NLGN1: variants seen among roughly 807,000 people sequenced by gnomAD.
NLGN1 encodes the protein neuroligin 1, also known as neuroligin-1.
NLGN1 carries 12 observed loss-of-function variants against 65.5 expected under a neutral mutation model. The ratio of observed to expected loss-of-function variants is 0.18; its 90% CI spans 0.12 to 0.30. The LOEUF is 0.30. NLGN1 is among the 10% of genes least tolerant of loss of function. The probability of loss-of-function intolerance (pLI) is 1.00; values close to 1 mark genes in which losing one functional copy is unlikely to be tolerated. For missense variants in NLGN1, 750 were observed against 1,007.1 expected, an observed-to-expected ratio of 0.74 and a Z score of 3.46; for synonymous variants, 350 against 359.5, an observed-to-expected ratio of 0.97 and a Z score of 0.30.
chr3:173,604,835 A>G (rs758153927), exon 3 of NLGN1: 1 of 1,613,754 alleles, frequency 6.2e-7, no homozygotes, highest in Non-Finnish European at 8.5e-7. Flanking sequence ...CTGTTATTCA[A>G]TTTCTTGGGG....
chr3:174,014,008 C>T (rs888306146), intron 4 of NLGN1, among the ~76,000 whole-genome samples: 7 of 152,084 alleles, frequency 4.6e-5, no homozygotes, highest in Non-Finnish European at 1.0e-4. Flanking sequence ...AGCCACCACA[C>T]CTGGCTGAAT....
intron 3 of NLGN1, among the ~76,000 whole-genome samples, chr3:173,675,457 CAAAG>C (rs936834218): frequency 6.7e-6 from 1 of 148,954 alleles, no homozygotes; most frequent in Non-Finnish European, 1.5e-5. Flanking sequence ...AACAAACAAA[CAAAG>C]AAAGCTCTGA....
chr3:174,024,047 G>T (rs920383314), intron 4 of NLGN1, among the ~76,000 whole-genome samples: 2 of 150,752 alleles, frequency 1.3e-5, no homozygotes, highest in African/African-American at 2.4e-5. Flanking sequence ...AGAGAGAAGC[G>T]AAAGCTAGTT....
chr3:174,277,973 G>A (rs1025334016), intron 5 of NLGN1, among the ~76,000 whole-genome samples: 6 of 151,822 alleles, frequency 4.0e-5, no homozygotes, highest in African/African-American at 1.2e-4. Context: ...AATTTTATCC[G>A]AAAAATACCT....
At chr3:173,581,893 G>A (rs1216479611) in intron 2 of NLGN1, among the ~76,000 whole-genome samples, 1 of 151,962 alleles carries the variant, frequency 6.6e-6, no homozygotes, top group African/African-American at 2.4e-5. Flanking sequence ...TTCAGGCTGA[G>A]AAATAGAGCA....
intron 3 of NLGN1, among the ~76,000 whole-genome samples, chr3:173,786,522 A>T (rs913395666): frequency 2.0e-5 from 3 of 152,072 alleles, no homozygotes; most frequent in Non-Finnish European, 2.9e-5. Flanking sequence ...CGCAAAGGAG[A>T]AGTGAACCCA....
chr3:173,935,638 TC>T (rs1400803734), intron 4 of NLGN1, among the ~76,000 whole-genome samples: 1,519 of 150,806 alleles, frequency 0.01, 23 homozygotes, highest in African/African-American at 0.035. Context: ...TCTCTCTCTC[TC>T]TCTCTCTCTC....
At chr3:173,510,640 A>T (rs527494016) in intron 2 of NLGN1, among the ~76,000 whole-genome samples, 2 of 152,332 alleles carry the variant, frequency 1.3e-5, no homozygotes, top group South Asian at 4.1e-4. Flanking sequence ...AAGCTAAATA[A>T]ACCTTTTGTC....
chr3:173,650,527 A>G (rs1265764017), intron 3 of NLGN1, among the ~76,000 whole-genome samples: 3 of 152,138 alleles, frequency 2.0e-5, no homozygotes, highest in African/African-American at 7.2e-5. Context: ...AAAGTTTGCA[A>G]ATACAACAGG....
intron 2 of NLGN1, among the ~76,000 whole-genome samples, chr3:173,525,186 C>G (rs146534438): frequency 7.4e-4 from 113 of 152,096 alleles, no homozygotes; most frequent in Middle Eastern, 3.4e-3. Context: ...CCTTTTATGT[C>G]TGGTAGAGTT....
chr3:173,994,465 C>CAAAAAAAAAA (rs1170577220), intron 4 of NLGN1, among the ~76,000 whole-genome samples: 5 of 32,912 alleles, frequency 1.5e-4, no homozygotes, highest in Non-Finnish European at 1.6e-4. Context: ...TTGAGAAAAG[C>CAAAAAAAAAA]AAAAAAAAAA....
chr3:173,444,559 A>AAT (rs1553851571), intron 2 of NLGN1, among the ~76,000 whole-genome samples: 2 of 152,158 alleles, frequency 1.3e-5, no homozygotes, highest in African/African-American at 4.8e-5. Context: ...CTTTCAAAAA[A>AAT]ATATATATAT....
chr3:173,490,253 C>A (rs1030196794), intron 2 of NLGN1, among the ~76,000 whole-genome samples: 2 of 152,160 alleles, frequency 1.3e-5, no homozygotes, highest in African/African-American at 2.4e-5. Flanking sequence ...TTTAATCCAT[C>A]TTGAATTTAT....
intron 4 of NLGN1, among the ~76,000 whole-genome samples, chr3:174,180,011 G>C (rs528821204): frequency 6.6e-6 from 1 of 152,008 alleles, no homozygotes; most frequent in Admixed American, 6.6e-5. Context: ...ATCCCAAGCT[G>C]GTTCAGTAAG....
At chr3:173,764,957 TAGAA>T (rs1041420524) in intron 3 of NLGN1, among the ~76,000 whole-genome samples, 1 of 151,976 alleles carries the variant, frequency 6.6e-6, no homozygotes, top group Non-Finnish European at 1.5e-5. Flanking sequence ...TCTAACTTAT[TAGAA>T]AGAAAATATT....
intron 2 of NLGN1, among the ~76,000 whole-genome samples, chr3:173,577,636 G>A (rs1458911947): frequency 6.6e-6 from 1 of 152,190 alleles, no homozygotes; most frequent in Non-Finnish European, 1.5e-5. Flanking sequence ...CTTATGCATT[G>A]AATGTAACAT....
intron 4 of NLGN1, among the ~76,000 whole-genome samples, chr3:174,182,802 C>T (rs138618080): frequency 6.6e-6 from 1 of 152,076 alleles, no homozygotes; most frequent in Non-Finnish European, 1.5e-5. Flanking sequence ...TATAAGATGA[C>T]TCACTTCTCA....
At chr3:174,193,124 C>G (rs1296306687) in intron 4 of NLGN1, among the ~76,000 whole-genome samples, 1 of 151,970 alleles carries the variant, frequency 6.6e-6, no homozygotes, top group Non-Finnish European at 1.5e-5. Context: ...CATGTAAGAC[C>G]TTTTATAAAG....
At chr3:173,534,482 C>T (rs1319391487) in intron 2 of NLGN1, among the ~76,000 whole-genome samples, 1 of 152,168 alleles carries the variant, frequency 6.6e-6, no homozygotes, top group Non-Finnish European at 1.5e-5. Context: ...CTCTTCCCCC[C>T]ATGGCACTTT....
Sources: gnomAD v4.1 joint callset for allele counts (sites outside exome capture counted in the v4.1 genomes callset) on GRCh38, gnomAD v4.1.1 for gene constraint, MANE v1.5 for transcripts, NCBI Gene and HGNC (gene_info 2026-07-23, HGNC 2026-07-21) for gene names.